INKA2: variants seen among roughly 807,000 people sequenced by gnomAD.
The protein encoded by INKA2 is inka box actin regulator 2.
INKA2 carries 3 observed loss-of-function variants against 9.8 expected under a neutral mutation model. That is an observed-to-expected ratio of 0.31 (90% CI 0.14 to 0.79). The LOEUF is 0.79. INKA2 is among the 30% of genes least tolerant of loss of function. The probability of loss-of-function intolerance (pLI) is 0.62; values close to 1 mark genes in which losing one functional copy is unlikely to be tolerated. For missense variants in INKA2, 392 were observed against 384.4 expected (o/e 1.02, Z -0.17); for synonymous variants, 147 against 143.3 (o/e 1.03, Z -0.18).
At chr1:111,750,026 GTTAT>G (rs1557917356) in intron 1 of INKA2, among the ~76,000 whole-genome samples, 1 of 152,248 alleles carries the variant, frequency 6.6e-6, no homozygotes, top group Non-Finnish European at 1.5e-5. Context: ...AAAGGGGCAG[GTTAT>G]TTATTATGCT....
Position 111,726,623 on chromosome 1 carries a change from A to G in INKA2, c.*345T>C. On this transcript the variant is annotated 3_prime_UTR_variant, in exon 2 of 2. Coordinates refer to ENST00000357260, the MANE Select transcript of INKA2 (RefSeq NM_019099.5). ...TCTTTGGGGGCAGTGGAGATGTCAG[A>G]GGGATTTTCTGATCTCCTCCTCTGC... 3.6e-6 allele frequency: 1 copy of G among 279,812 alleles called. No homozygotes were observed. Among genetic ancestry groups the G allele is most frequent in the Non-Finnish European group, 6.8e-6 (1 of 147,956 alleles). The allele number at this position is 279,812 out of a possible 1,614,324, so 17.3% of individuals were successfully genotyped here.
chr1:111,732,568 T>TACACACACACATACACAC (rs111707775), intron 1 of INKA2, among the ~76,000 whole-genome samples: 8 of 142,954 alleles, frequency 5.6e-5, no homozygotes, highest in African/African-American at 1.0e-4. Flanking sequence ...CTCTCTCTGT[T>TACACACACACATACACAC]ACACACACAC....
In INKA2 at chr1:111,739,339, C is replaced by G. The variant is rs1663087958; in HGVS notation, c.-97G>C. The G allele has an allele frequency of 1.2e-5, 19 of 1,572,382 alleles. No homozygotes were observed. The highest frequency in any genetic ancestry group is 1.6e-5 in the Non-Finnish European group (18 of 1,159,468). On this transcript the variant is annotated 5_prime_UTR_variant, in exon 1 of 2. Coordinates refer to ENST00000357260, the MANE Select transcript of INKA2 (RefSeq NM_019099.5). ...TCCGGGCCGGCTCCCCGCCCCTGCG[C>G]CCGTAGCGCTCGCAGCGCGGAGCTG...
At chr1:111,730,888 C>T (rs1396529328) in intron 1 of INKA2, among the ~76,000 whole-genome samples, 1 of 152,198 alleles carries the variant, frequency 6.6e-6, no homozygotes, top group Non-Finnish European at 1.5e-5. Flanking sequence ...CACCCCAGAT[C>T]ACCCTCCAGG....
In INKA2 at chr1:111,739,383, G is replaced by A. The variant is rs1663089756; in HGVS notation, c.-141C>T. On this transcript the variant is annotated 5_prime_UTR_variant, in exon 1 of 2. Transcript: ENST00000357260. ...GGAGCTGAGCCTGCGCTCCGAGCCC[G>A]GGACTCAGAGTCGCTTCCCCAGCGG... is the stretch of plus-strand genomic sequence containing the variant. The A allele has an allele frequency of 2.0e-6, 3 of 1,503,076 alleles. No homozygotes were observed. Among genetic ancestry groups the A allele is most frequent in the Non-Finnish European group, 2.7e-6 (3 of 1,126,084 alleles). 93.1% of individuals were successfully genotyped at this position (1,503,076 alleles called of 1,614,324 possible). A position where few individuals can be genotyped will look rare whatever the true frequency, so the allele number is the denominator to read the frequency against.
intron 1 of INKA2, among the ~76,000 whole-genome samples, chr1:111,733,528 T>C (rs756957217): frequency 2.6e-5 from 4 of 152,182 alleles, no homozygotes; most frequent in Non-Finnish European, 5.9e-5. Flanking sequence ...AGGAAGAACG[T>C]GAAGTCATCC....
chr1:111,736,769 G>A (rs1308263781), intron 1 of INKA2, among the ~76,000 whole-genome samples: 1 of 152,180 alleles, frequency 6.6e-6, no homozygotes, highest in African/African-American at 2.4e-5. Context: ...CCACCCCATT[G>A]CAGACCTAGG....
chr1:111,731,705 TG>T (rs1662907837), intron 1 of INKA2, among the ~76,000 whole-genome samples: 1 of 152,222 alleles, frequency 6.6e-6, no homozygotes, highest in Admixed American at 6.5e-5. Context: ...ATACAGCTAT[TG>T]TGCAGATTAG....
Position 111,725,938 on chromosome 1 carries a change from T to C in INKA2, c.*1030A>G, listed in dbSNP as rs770689836. On this transcript the variant is annotated 3_prime_UTR_variant, in exon 2 of 2. Transcript: ENST00000357260. The stretch of plus-strand genomic sequence containing the variant: ...TTTTAGTAGAGACGGGGTTTCACCA[T>C]GTTGGCCAGGCTGGTCATGAACTCC... 5.2e-6 allele frequency: 2 copies of C among 385,250 alleles called. No homozygotes were observed. The highest frequency in any genetic ancestry group is 4.6e-6 in the Non-Finnish European group (1 of 217,892). 23.9% of individuals were successfully genotyped at this position (385,250 alleles called of 1,614,324 possible).
chr1:111,730,009 G>A (rs1662871424), intron 1 of INKA2, among the ~76,000 whole-genome samples: 1 of 152,258 alleles, frequency 6.6e-6, no homozygotes, highest in Admixed American at 6.5e-5. Context: ...TCCAGGCCCT[G>A]ACAGCCCTGG....
intron 1 of INKA2, chr1:111,754,393 A>G (rs780259880): frequency 6.6e-6 from 1 of 152,186 alleles, no homozygotes; most frequent in Non-Finnish European, 1.5e-5. Flanking sequence ...AGCCCCTCCT[A>G]TATCATATGG....
rs926893172 is a variant in INKA2, at chr1:111,735,462, A to G, written c.57+3724T>C. Among the ~76,000 whole-genome samples, 9 of 152,240 alleles carry G rather than the reference A, an allele frequency of 5.9e-5. No individual in the cohort carries two copies. In the South Asian group the frequency reaches 1.2e-3, roughly 21 times the overall value. On this transcript the variant is annotated intron_variant, in intron 1 of 1. Transcript: ENST00000357260. ...GTAGGTATTTTAAAACCCCCATTTT[A>G]GAGATGAGAAAACCAAGGCACAATG...
At chr1:111,745,231 TACACACACAC>T (rs67643173) in intron 1 of INKA2, 2 of 112,720 alleles carry the variant, frequency 1.8e-5, no homozygotes, top group South Asian at 2.8e-4. Flanking sequence ...CAAGCAAATA[TACACACACAC>T]ACACACACAC....
At chr1:111,753,859 T>C (rs558878758) in intron 1 of INKA2, 1 of 152,314 alleles carries the variant, frequency 6.6e-6, no homozygotes, top group East Asian at 1.9e-4. Flanking sequence ...GAATTATTTA[T>C]AGTGTGATGT....
At position 111,725,464 on chromosome 1, in the gene INKA2, G is replaced by A. The variant is rs965685084; in HGVS notation, c.*1504C>T. On this transcript the variant is annotated 3_prime_UTR_variant, in exon 2 of 2. Coordinates refer to ENST00000357260, the MANE Select transcript of INKA2 (RefSeq NM_019099.5). ...GTGGCCCTCCTGGGCCACGTGCCCAGAGTGGCTTTAGAGAAGCCGGAGCTG... is the reference window on the plus strand; with the variant it reads ...GTGGCCCTCCTGGGCCACGTGCCCAAAGTGGCTTTAGAGAAGCCGGAGCTG... 3.3e-5 allele frequency: 5 copies of A among 152,488 alleles called. No homozygotes were observed. Among genetic ancestry groups the A allele is most frequent in the African/African-American group, 1.2e-4 (5 of 41,478 alleles). The allele number at this position is 152,488 out of a possible 1,614,324, so 9.4% of individuals were successfully genotyped here.
At chr1:111,727,931 A>G in intron 1 of INKA2, 127 bp from the exon 2 acceptor site, 1 of 841,436 alleles carries the variant, frequency 1.2e-6, no homozygotes. Flanking sequence ...CACCAGCCCC[A>G]TCTCTCTATA....
intron 1 of INKA2, chr1:111,745,468 T>C (rs563635626): frequency 1.4e-5 from 2 of 148,086 alleles, no homozygotes; most frequent in Admixed American, 6.7e-5. Flanking sequence ...AGTATATATA[T>C]ATATGGTTTT....
intron 1 of INKA2, chr1:111,754,091 A>G (rs2101406403): frequency 6.6e-6 from 1 of 152,336 alleles, no homozygotes; most frequent in South Asian, 2.1e-4. Context: ...TATAGGGCAG[A>G]TTCTACGGAG....
At position 111,755,743 on chromosome 1, in the gene INKA2, C is replaced by G. The variant is rs767373118; in HGVS notation, n.82G>C. 20 of 1,613,976 alleles carry G rather than the reference C, an allele frequency of 1.2e-5. No homozygotes were observed. In the South Asian group the frequency reaches 2.2e-4, roughly 18 times the overall value. On this transcript the variant is annotated non_coding_transcript_exon_variant, in exon 1 of 2. Coordinates refer to the INKA2 transcript ENST00000444059. ...CTCTCCTCCCTCTTGGGGCTTTCCT[C>G]AGGCCACATTTTTTGTGTGTCTGGG...
Sources: gnomAD v4.1 joint callset for allele counts (sites outside exome capture counted in the v4.1 genomes callset) on GRCh38, gnomAD v4.1.1 for gene constraint, MANE v1.5 for transcripts, NCBI Gene and HGNC (gene_info 2026-07-23, HGNC 2026-07-21) for gene names.